BABAM2: variants seen among roughly 807,000 people sequenced by gnomAD.
The protein encoded by BABAM2 is BRISC and BRCA1-A complex member 2.
Under a neutral mutation model 54.7 loss-of-function variants are expected in BABAM2, and 31 were observed. That is an observed-to-expected ratio of 0.57 (90% CI 0.43 to 0.77). The LOEUF (loss-of-function observed/expected upper bound fraction) is 0.77. Among genes scored for constraint, BABAM2 ranks in the 30% least tolerant of loss-of-function variants. The pLI, the probability that BABAM2 is intolerant of heterozygous loss-of-function variation, is 0.00. For synonymous variants in BABAM2, 167 were observed against 162.9 expected (o/e 1.03, Z -0.19); for missense variants, 364 against 455.8 (o/e 0.80, Z 1.83).
intron 3 of BABAM2, among the ~76,000 whole-genome samples, chr2:27,934,510 C>G (rs1391013475): frequency 6.6e-6 from 1 of 152,200 alleles, no homozygotes. Context: ...GCAGTGTCCT[C>G]TAAGTGTTCA....
chr2:27,930,700 G>C (rs1668029527), intron 3 of BABAM2, among the ~76,000 whole-genome samples: 1 of 152,220 alleles, frequency 6.6e-6, no homozygotes, highest in Non-Finnish European at 1.5e-5. Context: ...TGGATGGATA[G>C]TATGGAAGAT....
At chr2:28,094,872 G>C (rs187909382) in intron 6 of BABAM2, among the ~76,000 whole-genome samples, 2 of 148,006 alleles carry the variant, frequency 1.4e-5, no homozygotes, top group South Asian at 4.3e-4. Context: ...AATGCATCTT[G>C]GCAATCTTTT....
chr2:28,208,243 C>T (rs1350033262), intron 7 of BABAM2, among the ~76,000 whole-genome samples: 1 of 152,162 alleles, frequency 6.6e-6, no homozygotes, highest in African/African-American at 2.4e-5. Flanking sequence ...ACAGAGGGAT[C>T]CCAGCTCAAG....
chr2:28,198,293 A>G (rs1419564753), intron 7 of BABAM2, among the ~76,000 whole-genome samples: 1 of 151,930 alleles, frequency 6.6e-6, no homozygotes, highest in Non-Finnish European at 1.5e-5. Flanking sequence ...CCTCCCGAGT[A>G]GCTGAGATTA....
intron 4 of BABAM2, among the ~76,000 whole-genome samples, chr2:28,020,489 T>G (rs1423138439): frequency 5.3e-5 from 8 of 151,952 alleles, no homozygotes; most frequent in Admixed American, 5.2e-4. Context: ...TGGATATCAG[T>G]TATCAACATT....
At position 27,915,914 on chromosome 2, in the gene BABAM2, C is replaced by T. The variant is rs57522193; in HGVS notation, c.129-13918C>T. Among the ~76,000 whole-genome samples the T allele has an allele frequency of 9.2e-3, 1,403 of 152,202 alleles. 23 individuals are homozygous for T. Among genetic ancestry groups the T allele is most frequent in the African/African-American group, 0.032 (1,310 of 41,532 alleles). ...TATCTCCCCATCTCCACTGGTTTTC[C>T]ATCTATTCTTTCCTTTACTCTGCTT... On this transcript the variant is annotated intron_variant, in intron 2 of 11. Coordinates refer to ENST00000379624, the MANE Select transcript of BABAM2 (RefSeq NM_199191.3).
chr2:28,122,293 A>G (rs1170428102), intron 6 of BABAM2, among the ~76,000 whole-genome samples: 1 of 152,110 alleles, frequency 6.6e-6, no homozygotes, highest in Non-Finnish European at 1.5e-5. Context: ...TTCTGAGTCT[A>G]GCTTAATACC....
intron 7 of BABAM2, among the ~76,000 whole-genome samples, chr2:28,149,751 G>C (rs1189647902): frequency 6.6e-6 from 1 of 152,170 alleles, no homozygotes; most frequent in African/African-American, 2.4e-5. Context: ...TCTCTAGTAG[G>C]GTAGTAGCCT....
intron 7 of BABAM2, among the ~76,000 whole-genome samples, chr2:28,194,463 C>G (rs1677282888): frequency 6.6e-6 from 1 of 151,434 alleles, no homozygotes; most frequent in African/African-American, 2.4e-5. Flanking sequence ...TGTTTTCTGC[C>G]AAGAAAACAG....
intron 2 of BABAM2, among the ~76,000 whole-genome samples, chr2:27,907,268 G>A (rs1457437798): frequency 7.4e-6 from 1 of 135,634 alleles, no homozygotes; most frequent in Non-Finnish European, 1.6e-5. Flanking sequence ...TTTTTTTTTT[G>A]TTTTCCGAGA....
At chr2:28,216,488 T>C (rs1319277537) in intron 7 of BABAM2, among the ~76,000 whole-genome samples, 2 of 152,228 alleles carry the variant, frequency 1.3e-5, no homozygotes, top group African/African-American at 4.8e-5. Flanking sequence ...TTCCTTGGAA[T>C]GAAAACCATC....
At chr2:28,047,633 G>A (rs1416347231) in intron 6 of BABAM2, among the ~76,000 whole-genome samples, 2 of 152,122 alleles carry the variant, frequency 1.3e-5, no homozygotes, top group East Asian at 3.8e-4. Context: ...TTTATATGCT[G>A]TTCTTATTTT....
chr2:28,043,201 A>G (rs1677268895), intron 5 of BABAM2, among the ~76,000 whole-genome samples: 1 of 148,288 alleles, frequency 6.7e-6, no homozygotes, highest in Admixed American at 6.7e-5. Flanking sequence ...TGATCTTGGC[A>G]CATTGCAACC....
chr2:27,941,317 A>T (rs1351255194), intron 3 of BABAM2, among the ~76,000 whole-genome samples: 1 of 152,082 alleles, frequency 6.6e-6, no homozygotes, highest in Non-Finnish European at 1.5e-5. Flanking sequence ...GTAATCCCAG[A>T]ACTTTGGGAG....
chr2:28,081,311 TAGA>T (rs1255884019), intron 6 of BABAM2, among the ~76,000 whole-genome samples: 3 of 152,324 alleles, frequency 2.0e-5, no homozygotes, highest in Non-Finnish European at 4.4e-5. Context: ...GCTTCTTTTC[TAGA>T]AGAAGAACTT....
At chr2:28,012,104 A>C (rs1230971908) in intron 4 of BABAM2, among the ~76,000 whole-genome samples, 1 of 152,240 alleles carries the variant, frequency 6.6e-6, no homozygotes, top group Non-Finnish European at 1.5e-5. Context: ...ACACAGAAGC[A>C]CACATTAACT....
chr2:28,051,512 A>G (rs937051496), intron 6 of BABAM2, among the ~76,000 whole-genome samples: 4 of 152,204 alleles, frequency 2.6e-5, no homozygotes, highest in Admixed American at 6.5e-5. Flanking sequence ...GAAGCAGGAT[A>G]ATGAAACCAA....
rs910214964 is a variant in BABAM2 at position 27,995,261 on chromosome 2, G to A, written c.300+7174G>A. 1.3e-5 allele frequency among the ~76,000 whole-genome samples: 2 copies of A among 152,136 alleles called. No individual in the cohort carries two copies. Among genetic ancestry groups the A allele is most frequent in the Non-Finnish European group, 2.9e-5 (2 of 68,028 alleles). On this transcript the variant is annotated intron_variant, in intron 4 of 11. Coordinates refer to ENST00000379624, the MANE Select transcript of BABAM2 (RefSeq NM_199191.3). This position sits in a 1 kb window ranked among gnomAD's most constrained non-coding sequence, Gnocchi z 4.1. ...TTCAGTGAAACAGGCTGGAGGATGA[G>A]CACTAATAGGTCTTCTGCATGGCTC...
chr2:27,897,256 C>T (rs1665408862), intron 2 of BABAM2: 1 of 149,012 alleles, frequency 6.7e-6, no homozygotes, highest in Non-Finnish European at 1.5e-5. Context: ...TGCCTTTTGC[C>T]ATCTACACAC....
Sources: allele counts gnomAD v4.1 joint callset (sites outside exome capture counted in the v4.1 genomes callset), GRCh38; gene constraint gnomAD v4.1.1; non-coding constraint Gnocchi (gnomAD v3.1); transcripts MANE v1.5; gene names NCBI Gene and HGNC (gene_info 2026-07-23, HGNC 2026-07-21).